The following LRRC41 variants were observed in gnomAD, a reference collection of about 807,000 sequenced individuals.
LRRC41 encodes leucine-rich repeat-containing protein 41.
Under a neutral mutation model 72.1 loss-of-function variants are expected in LRRC41, and 17 were observed. The ratio of observed to expected loss-of-function variants is 0.24; its 90% CI spans 0.16 to 0.35. The LOEUF is 0.35. Among genes scored for constraint, LRRC41 ranks in the 10% least tolerant of loss-of-function variants. The probability of loss-of-function intolerance (pLI) is 1.00; values close to 1 mark genes in which losing one functional copy is unlikely to be tolerated. For synonymous variants in LRRC41, 427 were observed against 431.0 expected, an observed-to-expected ratio of 0.99 and a Z score of 0.11; for missense variants, 759 against 1,065.0, an observed-to-expected ratio of 0.71 and a Z score of 4.00.
In LRRC41 at chr1:46,303,172, C is replaced by A; in HGVS notation, c.151G>T (p.Gly51Trp). 6.4e-7 allele frequency: 1 copy of A among 1,558,948 alleles called. No homozygotes were observed. Among genetic ancestry groups the A allele is most frequent in the East Asian group, 2.4e-5 (1 of 42,474 alleles). Residue 51 changes from glycine (G) to tryptophan (W), a missense_variant, in exon 1 of 10, where the codon GGG becomes TGG. This residue lies in a region of LRRC41 where 116 missense variants were observed against 250.9 expected (regional missense o/e 0.46). Coordinates refer to ENST00000617190, the MANE Select transcript of LRRC41 (RefSeq NM_006369.5). ...NAPPALFELC[G>W]RAVSAHMGVL... ...CCCATATGGGCGCTCACCGCCCGCC[C>A]GCACAGCTCGAACAGGGCGGGGGGA...
rs750654257 is a variant in LRRC41 at position 46,278,929 on chromosome 1, C to T, written c.2375G>A (p.Cys792Tyr). ...REAIRRLRATCHVVSDSWDSS... is the reference protein window; with the variant it reads ...REAIRRLRATYHVVSDSWDSS... ...GTCCCATGAGTCGCTAACCACATGG[C>T]AGGTAGCCCGGAGCCGCCGGATGGC... Residue 792 changes from cysteine (C) to tyrosine (Y), a missense_variant, in exon 10 of 10, where the codon TGC becomes TAC. By Grantham distance (194) the Cys-to-Tyr change is radical. Around this residue, in one of 4 missense-constraint regions of LRRC41, gnomAD observed 110 missense variants for 227.0 expected, o/e 0.48. Coordinates refer to ENST00000617190, the MANE Select transcript of LRRC41 (RefSeq NM_006369.5). 6.2e-7 allele frequency: 1 copy of T among 1,613,774 alleles called. No homozygotes were observed. The highest frequency in any genetic ancestry group is 8.5e-7 in the Non-Finnish European group (1 of 1,180,012).
Position 46,286,242 on chromosome 1 carries a change from G to C in LRRC41, c.615C>G (p.Phe205Leu). The stretch of plus-strand genomic sequence containing the variant: ...GTGACTGCTGAGCAGCCACATCAGA[G>C]AACAGCAGGTGGCGGAACTTGAGAG... ...LHTLKFRHLLFSDVAAQQSLR... is the reference protein window; with the variant it reads ...LHTLKFRHLLLSDVAAQQSLR... The change falls in exon 4 of 10, where the codon TTC becomes TTG. Residue 205 changes from phenylalanine (F) to leucine (L), a missense_variant. Physicochemically the swap from Phe to Leu is conservative, Grantham distance 22 (BLOSUM62 0). Transcript: ENST00000617190. This position sits in a 1 kb window ranked among gnomAD's most constrained non-coding sequence, Gnocchi z 5.5. 6.2e-7 allele frequency: 1 copy of C among 1,614,266 alleles called. No homozygotes were observed. Among genetic ancestry groups the C allele is most frequent in the Non-Finnish European group, 8.5e-7 (1 of 1,180,054 alleles).
intron 3 of LRRC41, among the ~76,000 whole-genome samples, chr1:46,289,622 G>A (rs1052225795): frequency 3.3e-5 from 5 of 152,270 alleles, no homozygotes; most frequent in East Asian, 1.9e-4. Context: ...TTCGCCGGGC[G>A]AGGTGGCGGG....
intron 5 of LRRC41, 111 bp downstream of exon 5, chr1:46,281,014 A>C (rs1179282822): frequency 2.1e-6 from 3 of 1,446,274 alleles, no homozygotes; most frequent in Non-Finnish European, 2.8e-6. Flanking sequence ...CAGATAAGCC[A>C]GGAATGAGTG....
rs1661153219 is a variant in LRRC41 at position 46,297,773 on chromosome 1, G to A, written c.287-140C>T. 8.1e-6 allele frequency: 5 copies of A among 619,750 alleles called. No individual in the cohort carries two copies. The Admixed American group carries it at 1.4e-4, about 17-fold the overall frequency. The allele number at this position is 619,750 out of a possible 1,614,324, so 38.4% of individuals were successfully genotyped here. On this transcript the variant is annotated intron_variant, in intron 2 of 9. Coordinates refer to ENST00000617190, the MANE Select transcript of LRRC41 (RefSeq NM_006369.5). ...ACTGGCTCTAAAGACAGATTGCCTG[G>A]GTGTGAATATCAGCAAACTACACTC... is the stretch of plus-strand genomic sequence containing the variant.
At chr1:46,289,998 A>T (rs1227276826) in intron 3 of LRRC41, among the ~76,000 whole-genome samples, 4 of 152,192 alleles carry the variant, frequency 2.6e-5, no homozygotes, top group Non-Finnish European at 5.9e-5. Context: ...ATTTGTACAA[A>T]CTAGGGAGGG....
In LRRC41 at chr1:46,295,176, T is replaced by C. The variant is rs115618636; in HGVS notation, c.357+2387A>G. On this transcript the variant is annotated intron_variant, in intron 3 of 9. Transcript: ENST00000617190. Reference sequence around the variant, plus strand: ...CCAGGCTCAGGTGATCCTCCTACCTTGGTCTCCCGAGTATCTGGGACTACA... The same window carrying C: ...CCAGGCTCAGGTGATCCTCCTACCTCGGTCTCCCGAGTATCTGGGACTACA... Among the ~76,000 whole-genome samples, 306 of 152,142 alleles carry C rather than the reference T, an allele frequency of 2.0e-3. 1 individual carries two copies. Among genetic ancestry groups the C allele is most frequent in the African/African-American group, 6.9e-3 (288 of 41,490 alleles).
rs780578287 is a variant in LRRC41 at position 46,303,105 on chromosome 1, C to T, written c.199+19G>A. 9 of 1,379,418 alleles carry T rather than the reference C, an allele frequency of 6.5e-6. No individual in the cohort carries two copies. The East Asian group carries it at 1.7e-4, about 26-fold the overall frequency. The allele number at this position is 1,379,418 out of a possible 1,614,324, so 85.4% of individuals were successfully genotyped here. The stretch of plus-strand genomic sequence containing the variant: ...CCCCTTGCTCTTAGCCAGAGGTAGC[C>T]CCTCACCCCGCGACTTACCCCACAC... On this transcript the variant is annotated intron_variant, in intron 1 of 9. Coordinates refer to ENST00000617190, the MANE Select transcript of LRRC41 (RefSeq NM_006369.5).
rs1660866501 is a variant in LRRC41 at position 46,285,539 on chromosome 1, A to G, written c.1318T>C (p.Leu440=). ...MEIGEVACGA[L]DGSDPSCLGL... ...AGGCAGCTGGGATCTGATCCATCCAAAGCTCCACAAGCCACTTCCCCAATC... is the reference window on the plus strand; with the variant it reads ...AGGCAGCTGGGATCTGATCCATCCAGAGCTCCACAAGCCACTTCCCCAATC... Residue 440 remains leucine (L), a synonymous_variant, in exon 4 of 10, where the codon TTG becomes CTG. Coordinates refer to ENST00000617190, the MANE Select transcript of LRRC41 (RefSeq NM_006369.5). This position sits in a 1 kb window ranked among gnomAD's most constrained non-coding sequence, Gnocchi z 5.3. 2 of 1,613,534 alleles carry G rather than the reference A, an allele frequency of 1.2e-6. No homozygotes were observed. The highest frequency in any genetic ancestry group is 1.7e-5 in the Admixed American group (1 of 59,972).
chr1:46,285,742 G>T lies in LRRC41; in HGVS notation c.1115C>A (p.Ser372Tyr). 6.2e-7 allele frequency: 1 copy of T among 1,604,254 alleles called. No homozygotes were observed. The highest frequency in any genetic ancestry group is 8.5e-7 in the Non-Finnish European group (1 of 1,175,068). The change falls in exon 4 of 10, where the codon TCC (serine) becomes TAC (tyrosine). Residue 372 changes from serine to tyrosine, a missense_variant. Around this residue, in one of 4 missense-constraint regions of LRRC41, gnomAD observed 427 missense variants for 520.9 expected, o/e 0.82. Transcript: ENST00000617190. The surrounding 1 kb of genome is among the most constrained non-coding windows in gnomAD (Gnocchi z 5.3). ...GCTAGCTGGTGCCCGTTTGTATGAG[G>T]ATGTAGAAGAAGAGGCAGAGGAGGT... ...AATSSASSST[S>Y]SYKRAPASSA...
At chr1:46,283,256 G>C (rs989083180) in intron 4 of LRRC41, among the ~76,000 whole-genome samples, 1 of 152,166 alleles carries the variant, frequency 6.6e-6, no homozygotes. Flanking sequence ...ACTGAAATTA[G>C]TTCAGGTAGT....
rs1372294496 is a variant in LRRC41, at chr1:46,294,589, ATTCT to A, written c.357+2970_357+2973del. On this transcript the variant is annotated intron_variant, in intron 3 of 9. Coordinates refer to ENST00000617190, the MANE Select transcript of LRRC41 (RefSeq NM_006369.5). ...CTTGTGCCTTTACTTTTTACAACTA[ATTCT>A]TTTTTTTTTTTTTTTTTTTGAGTCG... Among the ~76,000 whole-genome samples the A allele has an allele frequency of 6.5e-3, 831 of 127,412 alleles. 9 individuals carry two copies. Among genetic ancestry groups the A allele is most frequent in the African/African-American group, 0.022 (784 of 35,226 alleles). 83.6% of individuals were successfully genotyped at this position (127,412 alleles called of 152,430 possible). A position where few individuals can be genotyped will look rare whatever the true frequency, so the allele number is the denominator to read the frequency against.
Position 46,279,204 on chromosome 1 carries a change from A to G in LRRC41, c.2197T>C (p.Ser733Pro). Reference protein sequence around the residue: ...ADVFSEDSSSSLCQLDISSNC... With the variant: ...ADVFSEDSSSPLCQLDISSNC... The stretch of plus-strand genomic sequence containing the variant: ...TACCTGATGTCCAGCTGACAGAGAG[A>G]GGAGGATGAATCCTCTGAGAAAACA... Residue 733 changes from serine to proline, a missense_variant, in exon 9 of 10, where the codon TCT becomes CCT. Ser to Pro is a moderately conservative substitution (Grantham distance 74). This residue lies in a region of LRRC41 where 110 missense variants were observed against 227.0 expected (regional missense o/e 0.48). Coordinates refer to ENST00000617190, the MANE Select transcript of LRRC41 (RefSeq NM_006369.5). This position sits in a 1 kb window ranked among gnomAD's most constrained non-coding sequence, Gnocchi z 4.5. 6.2e-7 allele frequency: 1 copy of G among 1,614,072 alleles called. No homozygotes were observed. The highest frequency in any genetic ancestry group is 8.5e-7 in the Non-Finnish European group (1 of 1,179,982).
At chr1:46,282,316 G>T (rs532362188) in intron 4 of LRRC41, among the ~76,000 whole-genome samples, 1 of 152,226 alleles carries the variant, frequency 6.6e-6, no homozygotes, top group East Asian at 1.9e-4. Flanking sequence ...GGCAGGAAAA[G>T]ATAACCAAAT....
intron 3 of LRRC41, chr1:46,297,203 C>T (rs747903791): frequency 3.1e-5 from 6 of 195,700 alleles, no homozygotes; most frequent in South Asian, 2.9e-4. Flanking sequence ...TCCCTCATCC[C>T]GATACCATGC....
chr1:46,297,778 G>T, intron 2 of LRRC41, 145 bp from the exon 3 acceptor site: 1 of 608,530 alleles, frequency 1.6e-6, no homozygotes. Flanking sequence ...GCCTGGGTGT[G>T]AATATCAGCA....
At chr1:46,290,948 A>G (rs1661003518) in intron 3 of LRRC41, among the ~76,000 whole-genome samples, 1 of 116,658 alleles carries the variant, frequency 8.6e-6, no homozygotes, top group African/African-American at 3.2e-5. Flanking sequence ...TTTTTTTAAG[A>G]CATTCCTGCT....
intron 4 of LRRC41, among the ~76,000 whole-genome samples, chr1:46,282,885 T>C (rs754765930): frequency 9.9e-5 from 15 of 151,898 alleles, no homozygotes; most frequent in Non-Finnish European, 1.8e-4. Context: ...ATACAAAAAT[T>C]AGCTGGGCAT....
At chr1:46,293,239 T>C (rs1661054826) in intron 3 of LRRC41, among the ~76,000 whole-genome samples, 2 of 151,166 alleles carry the variant, frequency 1.3e-5, no homozygotes, top group South Asian at 4.2e-4. Context: ...GTCACTTTTA[T>C]TATTTCTTTA....
Sources: gnomAD v4.1 joint callset for allele counts (sites outside exome capture counted in the v4.1 genomes callset) on GRCh38, gnomAD v4.1.1 for gene constraint, gnomAD v4.1.1 regional missense constraint, Gnocchi (gnomAD v3.1) non-coding constraint, MANE v1.5 for transcripts, NCBI Gene and HGNC (gene_info 2026-07-23, HGNC 2026-07-21) for gene names.